DPP10: variants seen among roughly 807,000 people sequenced by gnomAD.
DPP10 encodes dipeptidyl peptidase like 10, also known as inactive dipeptidyl peptidase 10.
A neutral mutation model predicts 120.9 loss-of-function variants in DPP10; 33 were observed. The observed-to-expected ratio is 0.27, with a 90% CI of 0.21 to 0.37. The LOEUF (loss-of-function observed/expected upper bound fraction) is 0.37. Ranked by LOEUF, DPP10 falls within the 10% of genes least tolerant of loss-of-function variation. DPP10 has a pLI of 1.00. For missense variants in DPP10, 816 were observed against 942.8 expected (o/e 0.87, Z 1.76); for synonymous variants, 337 against 326.1 (o/e 1.03, Z -0.36).
chr2:115,203,456 C>T (rs2055888034), intron 1 of DPP10, among the ~76,000 whole-genome samples: 1 of 152,046 alleles, frequency 6.6e-6, no homozygotes, highest in Admixed American at 6.6e-5. Context: ...TGCCTCCATT[C>T]CTTAGGTCAG....
intron 1 of DPP10, among the ~76,000 whole-genome samples, chr2:114,990,858 A>G (rs1276769672): frequency 2.6e-5 from 4 of 152,102 alleles, no homozygotes; most frequent in Non-Finnish European, 5.9e-5. Flanking sequence ...TTCTGCTGGT[A>G]TTTCATTGCT....
At chr2:115,026,837 G>GT (rs765467094) in intron 1 of DPP10, among the ~76,000 whole-genome samples, 1 of 152,068 alleles carries the variant, frequency 6.6e-6, no homozygotes, top group Non-Finnish European at 1.5e-5. Flanking sequence ...TGCTCAGCCT[G>GT]TTTTTTCTAT....
intron 1 of DPP10, among the ~76,000 whole-genome samples, chr2:114,605,707 C>T (rs1350928686): frequency 2.0e-5 from 3 of 151,978 alleles, no homozygotes; most frequent in Non-Finnish European, 4.4e-5. Context: ...CCTGACAAGT[C>T]CTGTCTAGTC....
At chr2:115,305,427 C>T (rs377451459) in intron 1 of DPP10, among the ~76,000 whole-genome samples, 52 of 152,078 alleles carry the variant, frequency 3.4e-4, no homozygotes, top group Non-Finnish European at 5.3e-4. Flanking sequence ...TGTTAACTGA[C>T]GTAAGGAATC....
rs556091877 is a variant in DPP10 at position 115,756,661 on chromosome 2, A to T, written c.1074+3364A>T. On this transcript the variant is annotated intron_variant, in intron 11 of 25. Transcript: ENST00000410059. ...AGAACTCTAGAAGCGGGTGGATTGC[A>T]TGATGGATTCTATCAATTATTAAGG... Among the ~76,000 whole-genome samples, 6 of 152,306 alleles carry T rather than the reference A, an allele frequency of 3.9e-5. No homozygotes were observed. In the South Asian group the frequency reaches 8.3e-4, roughly 21 times the overall value.
chr2:115,590,215 C>G lies in DPP10; in HGVS notation c.441+64243C>G, dbSNP rs1260578816. On this transcript the variant is annotated intron_variant, in intron 5 of 25. Transcript: ENST00000410059. ...TAAGTTCTAGGGTACATGTGCACAA[C>G]GTGCAGGTTAGTTACATATGTATAC... Among the ~76,000 whole-genome samples, 6 of 149,568 alleles carry G rather than the reference C, an allele frequency of 4.0e-5. No individual in the cohort carries two copies. In the East Asian group the frequency reaches 1.2e-3, roughly 30 times the overall value.
intron 1 of DPP10, among the ~76,000 whole-genome samples, chr2:114,552,659 C>G (rs1687977883): frequency 1.3e-5 from 2 of 152,124 alleles, no homozygotes; most frequent in Admixed American, 6.5e-5. Context: ...AATTCTCATG[C>G]CTCAGCCTCC....
intron 3 of DPP10, among the ~76,000 whole-genome samples, chr2:115,461,193 A>G (rs1021363658): frequency 4.0e-5 from 6 of 149,282 alleles, no homozygotes; most frequent in African/African-American, 1.5e-4. Context: ...GTCTTAAATG[A>G]CTGATTTGAT....
At chr2:115,255,228 G>C (rs2058931635) in intron 1 of DPP10, among the ~76,000 whole-genome samples, 2 of 152,194 alleles carry the variant, frequency 1.3e-5, no homozygotes, top group African/African-American at 4.8e-5. Flanking sequence ...CCATGTGGAA[G>C]CTCTCAAGGC....
chr2:114,511,654 C>T (rs1684156195), intron 1 of DPP10, among the ~76,000 whole-genome samples: 1 of 152,194 alleles, frequency 6.6e-6, no homozygotes, highest in African/African-American at 2.4e-5. Context: ...TCAAATCAAA[C>T]TCGATTATTT....
intron 1 of DPP10, among the ~76,000 whole-genome samples, chr2:115,213,004 C>A (rs2056615144): frequency 6.6e-6 from 1 of 152,020 alleles, no homozygotes; most frequent in Admixed American, 6.6e-5. Context: ...TTGGCCCTGC[C>A]CATTAATATT....
At chr2:115,557,584 G>A (rs1180492850) in intron 5 of DPP10, among the ~76,000 whole-genome samples, 1 of 152,092 alleles carries the variant, frequency 6.6e-6, no homozygotes, top group Non-Finnish European at 1.5e-5. Flanking sequence ...CTTTCTCAAG[G>A]TATAATTTTA....
intron 21 of DPP10, among the ~76,000 whole-genome samples, chr2:115,826,489 G>C (rs1458592415): frequency 6.6e-6 from 1 of 151,992 alleles, no homozygotes; most frequent in Non-Finnish European, 1.5e-5. Context: ...GGGAGGCCTA[G>C]GTGGCTGGAT....
intron 5 of DPP10, among the ~76,000 whole-genome samples, chr2:115,587,009 C>A (rs1339021817): frequency 2.0e-5 from 3 of 151,986 alleles, no homozygotes; most frequent in Non-Finnish European, 2.9e-5. Flanking sequence ...GCACATTAGA[C>A]CTCCAGGACT....
At chr2:115,518,535 T>A (rs932653205) in intron 4 of DPP10, among the ~76,000 whole-genome samples, 3 of 152,114 alleles carry the variant, frequency 2.0e-5, no homozygotes, top group Non-Finnish European at 4.4e-5. Context: ...CATTATAGTT[T>A]CCCTTCTTTT....
At chr2:114,556,518 T>A (rs551508632) in intron 1 of DPP10, among the ~76,000 whole-genome samples, 1 of 151,996 alleles carries the variant, frequency 6.6e-6, no homozygotes, top group South Asian at 2.1e-4. Flanking sequence ...AATAGCTCAG[T>A]GTGAGCCTTT....
intron 3 of DPP10, among the ~76,000 whole-genome samples, chr2:115,460,648 T>A (rs2073934566): frequency 1.3e-5 from 2 of 152,170 alleles, no homozygotes; most frequent in Admixed American, 6.6e-5. Flanking sequence ...ATATTGTCCC[T>A]ACTGTTGTAT....
chr2:115,213,544 TTTCTA>T (rs2056643884), intron 1 of DPP10, among the ~76,000 whole-genome samples: 1 of 152,120 alleles, frequency 6.6e-6, no homozygotes, highest in Admixed American at 6.6e-5. Context: ...GTCTTTTTCT[TTTCTA>T]TTTATTTGTT....
intron 5 of DPP10, among the ~76,000 whole-genome samples, chr2:115,681,664 G>GT (rs1287130632): frequency 2.0e-5 from 3 of 151,124 alleles, no homozygotes; most frequent in Admixed American, 6.6e-5. Context: ...GTGAATTGTG[G>GT]TTTTTTTCCC....
Sources: allele counts gnomAD v4.1 joint callset (sites outside exome capture counted in the v4.1 genomes callset), GRCh38; gene constraint gnomAD v4.1.1; transcripts MANE v1.5; gene names NCBI Gene and HGNC (gene_info 2026-07-23, HGNC 2026-07-21).